Variants in EYS observed in about 807,000 individuals in gnomAD.
The protein encoded by EYS is protein eyes shut homolog.
EYS carries 250 observed loss-of-function variants against 282.1 expected under a neutral mutation model. The ratio of observed to expected loss-of-function variants is 0.89; its 90% CI spans 0.80 to 0.98. EYS has a LOEUF of 0.98. Among genes scored for constraint, EYS ranks in the 50% least tolerant of loss-of-function variants. EYS has a pLI of 0.00. For missense variants in EYS, 4,016 were observed against 3,709.0 expected, an observed-to-expected ratio of 1.08 and a Z score of -2.15; for synonymous variants, 1,355 against 1,282.9, an observed-to-expected ratio of 1.06 and a Z score of -1.20.
intron 30 of EYS, among the ~76,000 whole-genome samples, chr6:64,296,592 A>T (rs1561913860): frequency 0.024 from 106 of 4,452 alleles, 3 homozygotes; most frequent in African/African-American, 0.087. Context: ...ATACATATAT[A>T]TATATATTTT....
intron 26 of EYS, among the ~76,000 whole-genome samples, chr6:64,507,441 A>G (rs943414781): frequency 1.3e-5 from 2 of 152,256 alleles, no homozygotes; most frequent in Non-Finnish European, 2.9e-5. Context: ...AGGTAGTTTT[A>G]AAAATTGTCC....
Position 63,998,996 on chromosome 6 carries a change from T to C in EYS, c.6834+79A>G, listed in dbSNP as rs534568055. On this transcript the variant is annotated intron_variant, in intron 34 of 42. Transcript: ENST00000503581. ...CTGTTCAATTAAGAAATATGATTAC[T>C]GCTTAGTAACATAAAAAATACTTAT... 7.3e-5 allele frequency: 62 copies of C among 847,720 alleles called. No individual in the cohort carries two copies. In the African/African-American group the frequency reaches 9.2e-4, roughly 13 times the overall value. 52.5% of individuals were successfully genotyped at this position (847,720 alleles called of 1,614,324 possible). A position where few individuals can be genotyped will look rare whatever the true frequency, so the allele number is the denominator to read the frequency against.
Position 64,296,576 on chromosome 6 carries a change from ATATATATACATATATATATATAT to A in EYS, c.6191+10371_6191+10393del, listed in dbSNP as rs1561913721. ...TATATATATATATATATATATATAT[ATATATATACATATATATATATAT>A]TTTTTTTTTTTTTTTTTTTTTTTTT... is the stretch of plus-strand genomic sequence containing the variant. On this transcript the variant is annotated intron_variant, in intron 30 of 42. Coordinates refer to ENST00000503581, the MANE Select transcript of EYS (RefSeq NM_001142800.2). Among the ~76,000 whole-genome samples the A allele has an allele frequency of 6.9e-3, 40 of 5,780 alleles. 1 individual carries two copies. Among genetic ancestry groups the A allele is most frequent in the African/African-American group, 0.036 (39 of 1,070 alleles). 3.8% of individuals were successfully genotyped at this position (5,780 alleles called of 152,430 possible).
At chr6:64,264,486 T>C (rs558969095) in intron 30 of EYS, among the ~76,000 whole-genome samples, 1 of 152,236 alleles carries the variant, frequency 6.6e-6, no homozygotes, top group South Asian at 2.1e-4. Flanking sequence ...AGGAGAGCAG[T>C]AGAAGTGTGT....
intron 1 of EYS, among the ~76,000 whole-genome samples, chr6:65,653,028 G>C (rs926133680): frequency 1.3e-5 from 2 of 151,936 alleles, no homozygotes; most frequent in Non-Finnish European, 1.5e-5. Context: ...CCAGAAGATA[G>C]TGTTAACAGG....
chr6:64,393,956 AC>A (rs1481606058), intron 28 of EYS, among the ~76,000 whole-genome samples: 3 of 152,026 alleles, frequency 2.0e-5, no homozygotes, highest in African/African-American at 4.8e-5. Flanking sequence ...AAATCAATGT[AC>A]AAAAATCACA....
At chr6:64,917,379 T>C (rs1768199508) in intron 15 of EYS, among the ~76,000 whole-genome samples, 1 of 152,238 alleles carries the variant, frequency 6.6e-6, no homozygotes, top group Non-Finnish European at 1.5e-5. Context: ...TTCAGCAATA[T>C]GTATCTGTGT....
chr6:64,362,870 G>A (rs2150409517), intron 29 of EYS, among the ~76,000 whole-genome samples: 1 of 150,742 alleles, frequency 6.6e-6, no homozygotes, highest in South Asian at 2.1e-4. Context: ...CATTTAATCT[G>A]TTAAAATTTA....
chr6:65,575,941 A>G (rs1764650223), intron 2 of EYS, among the ~76,000 whole-genome samples: 1 of 152,122 alleles, frequency 6.6e-6, no homozygotes, highest in South Asian at 2.1e-4. Flanking sequence ...AGATTAAATC[A>G]GTAATGAATA....
At chr6:64,421,653 T>C (rs1774236215) in intron 28 of EYS, among the ~76,000 whole-genome samples, 1 of 152,152 alleles carries the variant, frequency 6.6e-6, no homozygotes, top group Non-Finnish European at 1.5e-5. Context: ...ACAATCAGTA[T>C]GCTAGTTACT....
At chr6:65,121,979 A>C (rs942256201) in intron 12 of EYS, among the ~76,000 whole-genome samples, 1 of 152,118 alleles carries the variant, frequency 6.6e-6, no homozygotes, top group Non-Finnish European at 1.5e-5. Context: ...ATTTGGAAAA[A>C]AAGTCATAAA....
chr6:65,516,190 G>A (rs11759352), intron 2 of EYS, among the ~76,000 whole-genome samples: 41,919 of 151,864 alleles, frequency 0.28, 6,474 homozygotes, highest in African/African-American at 0.39. Flanking sequence ...CAGGTTTTCA[G>A]TTAATTTTTG....
intron 26 of EYS, among the ~76,000 whole-genome samples, chr6:64,503,227 G>A (rs1202660207): frequency 6.6e-6 from 1 of 152,172 alleles, no homozygotes; most frequent in Admixed American, 6.5e-5. Context: ...ACATTTGGCA[G>A]TTAAATTCTC....
intron 13 of EYS, among the ~76,000 whole-genome samples, chr6:65,050,403 TTTA>T (rs1215832843): frequency 6.6e-6 from 1 of 151,638 alleles, no homozygotes; most frequent in East Asian, 1.9e-4. Context: ...TAACGAATCG[TTTA>T]TTTTTTTTCT....
At chr6:64,436,726 G>A (rs144214311) in intron 27 of EYS, among the ~76,000 whole-genome samples, 2 of 151,890 alleles carry the variant, frequency 1.3e-5, no homozygotes, top group African/African-American at 2.4e-5. Context: ...GAGATGTCAG[G>A]GTGTCTGGGT....
intron 2 of EYS, among the ~76,000 whole-genome samples, chr6:65,542,961 AAAATT>A (rs1768227068): frequency 6.6e-6 from 1 of 152,172 alleles, no homozygotes; most frequent in South Asian, 2.1e-4. Context: ...AACCACATGA[AAAATT>A]AAATTAGACA....
intron 22 of EYS, among the ~76,000 whole-genome samples, chr6:64,809,031 A>T (rs979173386): frequency 6.6e-6 from 1 of 152,144 alleles, no homozygotes; most frequent in African/African-American, 2.4e-5. Context: ...GTTCCTGTGC[A>T]TTAATGCTTG....
chr6:64,728,045 G>T (rs1771819696), intron 22 of EYS, among the ~76,000 whole-genome samples: 1 of 152,126 alleles, frequency 6.6e-6, no homozygotes, highest in Admixed American at 6.5e-5. Flanking sequence ...CTTCGGGGCG[G>T]CAGGGGTGGA....
At chr6:64,661,532 A>C (rs1342789242) in intron 22 of EYS, among the ~76,000 whole-genome samples, 1 of 152,208 alleles carries the variant, frequency 6.6e-6, no homozygotes, top group Non-Finnish European at 1.5e-5. Context: ...AACTCAAACA[A>C]ATTGACAAGA....
Sources: gnomAD v4.1 joint callset for allele counts (sites outside exome capture counted in the v4.1 genomes callset) on GRCh38, gnomAD v4.1.1 for gene constraint, MANE v1.5 for transcripts, NCBI Gene and HGNC (gene_info 2026-07-23, HGNC 2026-07-21) for gene names.